The following CHD3 variants were observed in gnomAD, a reference collection of about 807,000 sequenced individuals.
CHD3 encodes the protein ATP-dependent chromatin remodeler CHD3.
CHD3 carries 52 observed loss-of-function variants against 248.9 expected under a neutral mutation model. The ratio of observed to expected loss-of-function variants is 0.21; its 90% CI spans 0.17 to 0.26. The LOEUF (loss-of-function observed/expected upper bound fraction) is 0.26. CHD3 is among the 10% of genes least tolerant of loss of function. CHD3 has a pLI of 1.00. For missense variants in CHD3, 1,482 were observed against 2,605.8 expected, an observed-to-expected ratio of 0.57 and a Z score of 9.39; for synonymous variants, 985 against 985.2, an observed-to-expected ratio of 1.00 and a Z score of 0.00.
Position 7,911,765 on chromosome 17 carries a change from C to T in CHD3, c.*180C>T. On this transcript the variant is annotated 3_prime_UTR_variant, in exon 40 of 40. Transcript: ENST00000330494. The surrounding 1 kb of genome is among the most constrained non-coding windows in gnomAD (Gnocchi z 5.4). The stretch of plus-strand genomic sequence containing the variant: ...AAGAAGGGCCCTTTGTCTTTCTCCA[C>T]TCCCACACACCTTTCCCACCAAGCC... 2 of 1,510,362 alleles carry T rather than the reference C, an allele frequency of 1.3e-6. No homozygotes were observed. The highest frequency in any genetic ancestry group is 2.0e-5 in the Admixed American group (1 of 49,358). The allele number at this position is 1,510,362 out of a possible 1,614,324, so 93.6% of individuals were successfully genotyped here.
At chr17:7,890,526 C>A in intron 2 of CHD3, 45 bp from the exon 3 acceptor site, 2 of 1,351,824 alleles carry the variant, frequency 1.5e-6, no homozygotes, top group South Asian at 1.4e-5. Flanking sequence ...CAGTTTCTGG[C>A]AATGGTAGGG....
chr17:7,911,673 C>G lies in CHD3; in HGVS notation c.*88C>G. 6.3e-7 allele frequency: 1 copy of G among 1,599,882 alleles called. No homozygotes were observed. Among genetic ancestry groups the G allele is most frequent in the Non-Finnish European group, 8.5e-7 (1 of 1,172,628 alleles). ...CTGGGGCCTGCTGCCAGCCCTCCACCTTCCCCACCCCTTGGGCCATCACTG... is the reference window on the plus strand; with the variant it reads ...CTGGGGCCTGCTGCCAGCCCTCCACGTTCCCCACCCCTTGGGCCATCACTG... On this transcript the variant is annotated 3_prime_UTR_variant, in exon 40 of 40. Coordinates refer to ENST00000330494, the MANE Select transcript of CHD3 (RefSeq NM_001005273.3). The surrounding 1 kb of genome is among the most constrained non-coding windows in gnomAD (Gnocchi z 5.4).
At position 7,906,484 on chromosome 17, in the gene CHD3, C is replaced by T. The variant is rs753601572; in HGVS notation, c.4359-69C>T. The T allele has an allele frequency of 2.5e-4, 385 of 1,548,938 alleles. No individual in the cohort carries two copies. Among genetic ancestry groups the T allele is most frequent in the Non-Finnish European group, 2.7e-4 (306 of 1,130,680 alleles). ...GTTTGGGGGTCCTCAGTCATCCTCG[C>T]GCCTCCCTCACTGCCCTATACCCCT... On this transcript the variant is annotated intron_variant, in intron 28 of 39. Transcript: ENST00000330494. The surrounding 1 kb of genome is among the most constrained non-coding windows in gnomAD (Gnocchi z 5.0).
In CHD3 at chr17:7,900,804, T is replaced by C. The variant is rs775454595; in HGVS notation, c.2979-48T>C. Reference sequence around the variant, plus strand: ...GAGCGTTCCAAGTGCAATATCATAATTGCTTCCTTTATTTATGTTTCTTTT... The same window carrying C: ...GAGCGTTCCAAGTGCAATATCATAACTGCTTCCTTTATTTATGTTTCTTTT... On this transcript the variant is annotated intron_variant, in intron 18 of 39. Transcript: ENST00000330494. This position sits in a 1 kb window ranked among gnomAD's most constrained non-coding sequence, Gnocchi z 6.5. 1.6e-5 allele frequency: 25 copies of C among 1,611,452 alleles called. No homozygotes were observed. Among genetic ancestry groups the C allele is most frequent in the Non-Finnish European group, 2.0e-5 (24 of 1,178,200 alleles).
In CHD3 at chr17:7,903,126, G is replaced by A; in HGVS notation, c.3495+65G>A. On this transcript the variant is annotated intron_variant, in intron 22 of 39. Coordinates refer to ENST00000330494, the MANE Select transcript of CHD3 (RefSeq NM_001005273.3). The surrounding 1 kb of genome is among the most constrained non-coding windows in gnomAD (Gnocchi z 6.8). ...AGGAGATGTGGGTTCATGGAGGAGG[G>A]TGTCATGTTCCGGGGTCAGAAATAA... 3 of 1,589,126 alleles carry A rather than the reference G, an allele frequency of 1.9e-6. No homozygotes were observed. Among genetic ancestry groups the A allele is most frequent in the Non-Finnish European group, 2.6e-6 (3 of 1,163,260 alleles).
Position 7,911,674 on chromosome 17 carries a change from T to G in CHD3, c.*89T>G. On this transcript the variant is annotated 3_prime_UTR_variant, in exon 40 of 40. Coordinates refer to ENST00000330494, the MANE Select transcript of CHD3 (RefSeq NM_001005273.3). The surrounding 1 kb of genome is among the most constrained non-coding windows in gnomAD (Gnocchi z 5.4). ...TGGGGCCTGCTGCCAGCCCTCCACC[T>G]TCCCCACCCCTTGGGCCATCACTGG... is the stretch of plus-strand genomic sequence containing the variant. 1.3e-6 allele frequency: 2 copies of G among 1,595,072 alleles called. No individual in the cohort carries two copies. The highest frequency in any genetic ancestry group is 8.6e-7 in the Non-Finnish European group (1 of 1,169,474).
rs760900083 is a variant in CHD3, at chr17:7,893,471, C to T, written c.695C>T (p.Thr232Ile). ...EQVSAAVSSA[T>I]PIAPSGPPAL... Reference sequence around the variant, plus strand: ...GTGTCAGCTGCTGTCTCGTCGGCCACCCCCATAGCACCCTCCGGACCCCCC... The same window carrying T: ...GTGTCAGCTGCTGTCTCGTCGGCCATCCCCATAGCACCCTCCGGACCCCCC... Residue 232 changes from threonine to isoleucine, a missense_variant, in exon 5 of 40, where the codon ACC (threonine) becomes ATC (isoleucine). By Grantham distance (89) the Thr-to-Ile change is moderately conservative. Transcript: ENST00000330494. 1.9e-6 allele frequency: 3 copies of T among 1,593,554 alleles called. No homozygotes were observed. The highest frequency in any genetic ancestry group is 2.6e-6 in the Non-Finnish European group (3 of 1,168,808).
Position 7,905,744 on chromosome 17 carries a change from G to A in CHD3, c.4224+38G>A. 1 of 1,612,932 alleles carries A rather than the reference G, an allele frequency of 6.2e-7. No individual in the cohort carries two copies. Among genetic ancestry groups the A allele is most frequent in the Non-Finnish European group, 8.5e-7 (1 of 1,179,004 alleles). On this transcript the variant is annotated intron_variant, in intron 27 of 39. Coordinates refer to ENST00000330494, the MANE Select transcript of CHD3 (RefSeq NM_001005273.3). The surrounding 1 kb of genome is among the most constrained non-coding windows in gnomAD (Gnocchi z 5.8). ...CCCAGTGTTCCTGAGTTCTCCAAGA[G>A]GGCATGAGGGCAGGAGGTTGGAAGT... is the stretch of plus-strand genomic sequence containing the variant.
At chr17:7,893,597 A>C in intron 5 of CHD3, 28 bp downstream of exon 5, 1 of 1,542,688 alleles carries the variant, frequency 6.5e-7, no homozygotes, top group South Asian at 1.3e-5. Context: ...AACAACTGTC[A>C]TCTCACCTTC....
Position 7,904,120 on chromosome 17 carries a change from G to T in CHD3, c.3894+129G>T, listed in dbSNP as rs117032670. The T allele has an allele frequency of 1.1e-6, 1 of 933,938 alleles. No homozygotes were observed. The highest frequency in any genetic ancestry group is 1.6e-6 in the Non-Finnish European group (1 of 622,544). The allele number at this position is 933,938 out of a possible 1,614,324, so 57.9% of individuals were successfully genotyped here. ...GTAGTGGACCTCAAACAACTTCTTCGTCTAATAGGTGAGACTGGACTTCAG... is the reference window on the plus strand; with the variant it reads ...GTAGTGGACCTCAAACAACTTCTTCTTCTAATAGGTGAGACTGGACTTCAG... On this transcript the variant is annotated intron_variant, in intron 24 of 39. Coordinates refer to ENST00000330494, the MANE Select transcript of CHD3 (RefSeq NM_001005273.3). This position sits in a 1 kb window ranked among gnomAD's most constrained non-coding sequence, Gnocchi z 4.4.
chr17:7,893,465 C>A lies in CHD3; in HGVS notation c.689C>A (p.Ser230Ter). 2 of 1,605,100 alleles carry A rather than the reference C, an allele frequency of 1.2e-6. No homozygotes were observed. Among genetic ancestry groups the A allele is most frequent in the Non-Finnish European group, 1.7e-6 (2 of 1,175,160 alleles). Residue 230 changes from serine (S) to a stop codon, truncating the protein, a stop_gained, in exon 5 of 40, where the codon TCG (serine) becomes TAG (stop). Coordinates refer to ENST00000330494, the MANE Select transcript of CHD3 (RefSeq NM_001005273.3). LOFTEE classifies it high-confidence loss of function. ...VAEQVSAAVS[S>*]ATPIAPSGPP... is the part of the protein sequence containing the mutation. ...GAGCAGGTGTCAGCTGCTGTCTCGT[C>A]GGCCACCCCCATAGCACCCTCCGGA...
At position 7,908,836 on chromosome 17, in the gene CHD3, A is replaced by G; in HGVS notation, c.5394+7A>G. The G allele has an allele frequency of 6.2e-7, 1 of 1,614,038 alleles. No homozygotes were observed. Among genetic ancestry groups the G allele is most frequent in the Non-Finnish European group, 8.5e-7 (1 of 1,179,944 alleles). ...CCTGGCCCGGAGGTTCAAGGTGGGA[A>G]TGAGGGAGGAAAGGAGCGGGTTATA... On this transcript the variant is annotated splice_region_variant and intron_variant, in intron 36 of 39. Coordinates refer to ENST00000330494, the MANE Select transcript of CHD3 (RefSeq NM_001005273.3). This position sits in a 1 kb window ranked among gnomAD's most constrained non-coding sequence, Gnocchi z 5.8.
upstream of CHD3, chr17:7,884,849 ATGG>A: frequency 1.0e-6 from 1 of 994,386 alleles, no homozygotes; most frequent in East Asian, 3.8e-5. Flanking sequence ...GGAGGAGGAG[ATGG>A]TGGTGTCGGA....
Position 7,909,402 on chromosome 17 carries a change from A to AC in CHD3, c.5590+68dup. ...AACGCTGCGTAAGTCTTCACCCCGC[A>AC]CCCCTCAAAATCTTCCCACCCCCTG... On this transcript the variant is annotated intron_variant, in intron 37 of 39. Transcript: ENST00000330494. This position sits in a 1 kb window ranked among gnomAD's most constrained non-coding sequence, Gnocchi z 8.1. 4 of 1,457,820 alleles carry AC rather than the reference A, an allele frequency of 2.7e-6. No homozygotes were observed. Among genetic ancestry groups the AC allele is most frequent in the Non-Finnish European group, 1.8e-6 (2 of 1,102,092 alleles). The allele number at this position is 1,457,820 out of a possible 1,614,324, so 90.3% of individuals were successfully genotyped here. A position where few individuals can be genotyped will look rare whatever the true frequency, so the allele number is the denominator to read the frequency against.
In CHD3 at chr17:7,901,385, G is replaced by A. The variant is rs1970279841; in HGVS notation, c.3252+10G>A. On this transcript the variant is annotated intron_variant, in intron 20 of 39. Transcript: ENST00000330494. ...GCTCATCTTCTCGCAGGTGACCTGTGCCCTTAGCTGTCTTTACATCTGCTT... is the reference window on the plus strand; with the variant it reads ...GCTCATCTTCTCGCAGGTGACCTGTACCCTTAGCTGTCTTTACATCTGCTT... The A allele has an allele frequency of 6.3e-7, 1 of 1,582,974 alleles. No individual in the cohort carries two copies. The highest frequency in any genetic ancestry group is 1.4e-5 in the African/African-American group (1 of 73,924).
Position 7,891,450 on chromosome 17 carries a change from C to T in CHD3, c.509+386C>T, listed in dbSNP as rs185861181. ...AGTGTTCCTGAACTTCCTTAGCTCACTTAGCAGGTCCTGTGCCCCTTCCTT... is the reference window on the plus strand; with the variant it reads ...AGTGTTCCTGAACTTCCTTAGCTCATTTAGCAGGTCCTGTGCCCCTTCCTT... On this transcript the variant is annotated intron_variant, in intron 4 of 39. Transcript: ENST00000330494. Among the ~76,000 whole-genome samples, 121 of 152,350 alleles carry T rather than the reference C, an allele frequency of 7.9e-4. 1 individual carries two copies. The highest frequency in any genetic ancestry group is 1.5e-3 in the Non-Finnish European group (102 of 68,034).
chr17:7,891,661 G>A (rs934144530), intron 4 of CHD3, among the ~76,000 whole-genome samples: 1 of 152,064 alleles, frequency 6.6e-6, no homozygotes, highest in Non-Finnish European at 1.5e-5. Context: ...AGGAGTTCAG[G>A]ACCAGCCCAT....
At position 7,903,709 on chromosome 17, in the gene CHD3, C is replaced by T. The variant is rs1487230510; in HGVS notation, c.3728-116C>T. The T allele has an allele frequency of 1.6e-6, 2 of 1,217,044 alleles. No homozygotes were observed. Among genetic ancestry groups the T allele is most frequent in the Admixed American group, 5.3e-5 (2 of 37,706 alleles). 75.4% of individuals were successfully genotyped at this position (1,217,044 alleles called of 1,614,324 possible). ...AAACAAAAACCTTTCAACATTGGCT[C>T]CCGGGGAAAAAGCCTTCTCTAGGGC... On this transcript the variant is annotated intron_variant, in intron 23 of 39. Coordinates refer to ENST00000330494, the MANE Select transcript of CHD3 (RefSeq NM_001005273.3). The surrounding 1 kb of genome is among the most constrained non-coding windows in gnomAD (Gnocchi z 6.8).
intron 4 of CHD3, among the ~76,000 whole-genome samples, 198 bp downstream of exon 4, chr17:7,891,262 A>G (rs1968811270): frequency 6.6e-6 from 1 of 152,180 alleles, no homozygotes; most frequent in African/African-American, 2.4e-5. Flanking sequence ...CTCTTCACTG[A>G]GGGGCGAGGG....
Sources: allele counts gnomAD v4.1 joint callset (sites outside exome capture counted in the v4.1 genomes callset), GRCh38; gene constraint gnomAD v4.1.1; non-coding constraint Gnocchi (gnomAD v3.1); transcripts MANE v1.5; gene names NCBI Gene and HGNC (gene_info 2026-07-23, HGNC 2026-07-21).